NXPE2: variants seen among roughly 807,000 people sequenced by gnomAD.
NXPE2 encodes NXPE family member 2.
A neutral mutation model predicts 34.4 loss-of-function variants in NXPE2; 34 were observed. The ratio of observed to expected loss-of-function variants is 0.99; its 90% CI spans 0.75 to 1.31. The LOEUF (loss-of-function observed/expected upper bound fraction) is 1.31. Ranked by LOEUF, NXPE2 falls within the 40% of genes most tolerant of loss-of-function variation. The probability of loss-of-function intolerance (pLI) is 0.00; values close to 1 mark genes in which losing one functional copy is unlikely to be tolerated. For missense variants in NXPE2, 649 were observed against 672.5 expected (o/e 0.97, Z 0.39); for synonymous variants, 235 against 231.3 (o/e 1.02, Z -0.15).
At chr11:114,617,501 G>A in the NXPE2 span, among the ~76,000 whole-genome samples, 1 of 152,120 alleles carries the variant, frequency 6.6e-6, no homozygotes, top group Non-Finnish European at 1.5e-5. Flanking sequence ...GGTAACCACT[G>A]TTAACCGGTG....
At chr11:114,490,408 A>C in the NXPE2 span, among the ~76,000 whole-genome samples, 1 of 152,368 alleles carries the variant, frequency 6.6e-6, no homozygotes, top group East Asian at 1.9e-4. Context: ...ATCCTAAGCC[A>C]AAAGAACAAA....
chr11:114,586,425 C>T, the NXPE2 span, among the ~76,000 whole-genome samples: 1 of 152,112 alleles, frequency 6.6e-6, no homozygotes, highest in African/African-American at 2.4e-5. Flanking sequence ...ATTTCAAGGC[C>T]TTCTGCTCTC....
At chr11:114,503,229 A>T in the NXPE2 span, among the ~76,000 whole-genome samples, 1 of 152,146 alleles carries the variant, frequency 6.6e-6, no homozygotes, top group South Asian at 2.1e-4. Context: ...TCCCATCCAT[A>T]TACATAGAGC....
chr11:114,611,015 G>A, the NXPE2 span, among the ~76,000 whole-genome samples: 2 of 150,604 alleles, frequency 1.3e-5, no homozygotes, highest in African/African-American at 4.9e-5. Flanking sequence ...ATGTTGCCTC[G>A]TGGGTCACAA....
the NXPE2 span, among the ~76,000 whole-genome samples, chr11:114,716,154 A>G: frequency 3.9e-5 from 6 of 152,192 alleles, no homozygotes; most frequent in Non-Finnish European, 5.9e-5. Flanking sequence ...ATTTAAACCT[A>G]TCACCTGGCT....
chr11:114,718,958 A>C, the NXPE2 span, among the ~76,000 whole-genome samples: 1 of 152,180 alleles, frequency 6.6e-6, no homozygotes, highest in Non-Finnish European at 1.5e-5. Context: ...GTTTTAGTCC[A>C]TCACAAACTT....
chr11:114,757,853 G>A, the NXPE2 span, among the ~76,000 whole-genome samples: 1 of 152,178 alleles, frequency 6.6e-6, no homozygotes, highest in Admixed American at 6.5e-5. Context: ...ATTTAATAAA[G>A]TGATTAAGCA....
chr11:114,553,619 A>G, the NXPE2 span: 4 of 644,194 alleles, frequency 6.2e-6, no homozygotes, highest in Middle Eastern at 1.5e-3. Context: ...AGCCATAAGT[A>G]ACTGCAAATC....
the NXPE2 span, among the ~76,000 whole-genome samples, chr11:114,738,028 G>A: frequency 3.9e-5 from 6 of 152,100 alleles, no homozygotes; most frequent in Non-Finnish European, 7.4e-5. Context: ...CGGAGGCTGC[G>A]GTGAGCCGAG....
chr11:114,650,530 A>G, the NXPE2 span, among the ~76,000 whole-genome samples: 1 of 152,204 alleles, frequency 6.6e-6, no homozygotes, highest in Non-Finnish European at 1.5e-5. Flanking sequence ...GCCTTACATC[A>G]ATGGAGGAAG....
At chr11:114,656,426 C>A in the NXPE2 span, among the ~76,000 whole-genome samples, 1 of 152,126 alleles carries the variant, frequency 6.6e-6, no homozygotes, top group African/African-American at 2.4e-5. Context: ...TTAGAAAAAA[C>A]TATTTTGAAT....
chr11:114,535,145 G>T, the NXPE2 span, among the ~76,000 whole-genome samples: 4 of 152,152 alleles, frequency 2.6e-5, no homozygotes, highest in East Asian at 5.8e-4. Flanking sequence ...TTAAAGAAAA[G>T]AACTTTCAAC....
chr11:114,580,651 C>T, the NXPE2 span, among the ~76,000 whole-genome samples: 4 of 152,114 alleles, frequency 2.6e-5, no homozygotes, highest in African/African-American at 7.2e-5. Context: ...GTCATCAATT[C>T]TTGCATAGGA....
At chr11:114,785,430 T>C in the NXPE2 span, among the ~76,000 whole-genome samples, 1 of 152,158 alleles carries the variant, frequency 6.6e-6, no homozygotes, top group East Asian at 1.9e-4. Context: ...ACATGAGTAA[T>C]CTGAATAATA....
the NXPE2 span, among the ~76,000 whole-genome samples, chr11:114,626,372 A>G: frequency 1.3e-5 from 2 of 152,024 alleles, no homozygotes; most frequent in Non-Finnish European, 2.9e-5. Context: ...CTGACCCCTG[A>G]CCCCCGAGCA....
the NXPE2 span, among the ~76,000 whole-genome samples, chr11:114,489,049 T>A: frequency 6.6e-6 from 1 of 152,082 alleles, no homozygotes; most frequent in African/African-American, 2.4e-5. Context: ...CCTCCAGAAA[T>A]ACAAATTACC....
the NXPE2 span, among the ~76,000 whole-genome samples, chr11:114,716,516 T>C: frequency 1.3e-5 from 2 of 152,200 alleles, no homozygotes; most frequent in African/African-American, 4.8e-5. Flanking sequence ...GAGATATTTA[T>C]ATGTGCTTCT....
the NXPE2 span, among the ~76,000 whole-genome samples, chr11:114,741,743 C>G: frequency 2.6e-5 from 4 of 152,102 alleles, no homozygotes; most frequent in African/African-American, 9.7e-5. Flanking sequence ...TGTCTGTGTT[C>G]TCTTGTAGTT....
the NXPE2 span, among the ~76,000 whole-genome samples, chr11:114,496,703 C>T: frequency 5.5e-4 from 84 of 152,212 alleles, 2 homozygotes; most frequent in South Asian, 0.015. Context: ...CTCTAATATG[C>T]GTGTCTTTAT....
Sources: gnomAD v4.1 joint callset for allele counts (sites outside exome capture counted in the v4.1 genomes callset) on GRCh38, gnomAD v4.1.1 for gene constraint, MANE v1.5 for transcripts, NCBI Gene and HGNC (gene_info 2026-07-23, HGNC 2026-07-21) for gene names.